RALB: variants seen among roughly 807,000 people sequenced by gnomAD.
RALB encodes ras-related protein Ral-B.
RALB carries 16 observed loss-of-function variants against 21.3 expected under a neutral mutation model. The observed-to-expected ratio is 0.75, with a 90% confidence interval of 0.51 to 1.14. RALB has a LOEUF of 1.14. Among genes scored for constraint, RALB ranks in the 50% most tolerant of loss-of-function variants. The pLI is 0.00. For synonymous variants in RALB, 93 were observed against 96.1 expected, an observed-to-expected ratio of 0.97 and a Z score of 0.19; for missense variants, 161 against 256.2, an observed-to-expected ratio of 0.63 and a Z score of 2.54.
intron 1 of RALB, among the ~76,000 whole-genome samples, chr2:120,267,396 A>C (rs1320712484): frequency 2.6e-5 from 2 of 76,344 alleles, no homozygotes; most frequent in African/African-American, 6.3e-5. Flanking sequence ...TTTTATAGAC[A>C]TGGAAAGTTG....
Position 120,258,471 on chromosome 2 carries a change from A to G in RALB, c.-48+5491A>G, listed in dbSNP as rs573035876. On this transcript the variant is annotated intron_variant, in intron 1 of 4. Coordinates refer to ENST00000272519, the MANE Select transcript of RALB (RefSeq NM_002881.3). ...CACAGGGCTGGAAGAAGGCAAGGAA[A>G]AGGCCACGGAGGCCACGGCCAGTGG... Among the ~76,000 whole-genome samples the G allele has an allele frequency of 6.2e-4, 95 of 152,320 alleles. No individual in the cohort carries two copies. The South Asian group carries it at 0.019, about 31-fold the overall frequency.
intron 1 of RALB, among the ~76,000 whole-genome samples, chr2:120,268,934 AC>A (rs1558950458): frequency 1.3e-5 from 1 of 76,496 alleles, no homozygotes; most frequent in Admixed American, 1.1e-4. Flanking sequence ...ATATAAACAA[AC>A]AATTTTTTTA....
In RALB at chr2:120,285,937, G is replaced by T; in HGVS notation, c.178G>T (p.Glu60Ter). 1 of 1,614,036 alleles carries T rather than the reference G, an allele frequency of 6.2e-7. No individual in the cohort carries two copies. The highest frequency in any genetic ancestry group is 1.7e-5 in the Admixed American group (1 of 60,002). ...TAGAAAGAAAGTGGTTCTTGATGGG[G>T]AAGAAGTTCAGATAGATATTCTGGA... ...SYRKKVVLDGEEVQIDILDTA... is the reference protein window; with the variant it reads ...SYRKKVVLDG Residue 60 changes from glutamate to a stop codon, truncating the protein, a stop_gained, in exon 3 of 5, where the codon GAA becomes TAA. Transcript: ENST00000272519. LOFTEE classifies it high-confidence loss of function.
chr2:120,280,960 G>T, intron 2 of RALB: 1 of 398,868 alleles, frequency 2.5e-6, no homozygotes, highest in Non-Finnish European at 4.8e-6. Flanking sequence ...TGGATTTTGT[G>T]ATGTCAGTGC....
At chr2:120,274,797 A>AT (rs1321797548) in intron 1 of RALB, among the ~76,000 whole-genome samples, 15 of 152,040 alleles carry the variant, frequency 9.9e-5, no homozygotes, top group African/African-American at 2.7e-4. Context: ...CAATGATGTC[A>AT]TTTTTTTCAC....
chr2:120,289,808 A>G, intron 4 of RALB, 51 bp downstream of exon 4: 1 of 1,509,236 alleles, frequency 6.6e-7, no homozygotes. Flanking sequence ...GAAACAGCAG[A>G]ATGGAGGCAT....
At chr2:120,275,465 A>C (rs1019956372) in intron 1 of RALB, among the ~76,000 whole-genome samples, 1 of 152,180 alleles carries the variant, frequency 6.6e-6, no homozygotes, top group African/African-American at 2.4e-5. Flanking sequence ...ATCACCTGGG[A>C]ATCTTTTAGA....
chr2:120,263,471 A>G (rs1028950863), intron 1 of RALB, among the ~76,000 whole-genome samples: 1 of 152,252 alleles, frequency 6.6e-6, no homozygotes, highest in Non-Finnish European at 1.5e-5. Flanking sequence ...AATGATATTT[A>G]AAAAGCAGCT....
At position 120,278,653 on chromosome 2, in the gene RALB, A is replaced by G. The variant is rs1216716747; in HGVS notation, c.-12A>G. 1 of 1,589,332 alleles carries G rather than the reference A, an allele frequency of 6.3e-7. No homozygotes were observed. The stretch of plus-strand genomic sequence containing the variant: ...GGTCATCTGTGTGTCACAGCCTCAG[A>G]AGACCAGCGAGATGGCTGCCAACAA... On this transcript the variant is annotated 5_prime_UTR_variant, in exon 2 of 5. Transcript: ENST00000272519.
At chr2:120,244,894 G>A (rs1688946604) in intron 1 of RALB, among the ~76,000 whole-genome samples, 1 of 152,216 alleles carries the variant, frequency 6.6e-6, no homozygotes, top group Non-Finnish European at 1.5e-5. Flanking sequence ...GCTTCAGGCT[G>A]TGATACAGTG....
chr2:120,277,399 G>T (rs1689830335), intron 1 of RALB, among the ~76,000 whole-genome samples: 1 of 151,836 alleles, frequency 6.6e-6, no homozygotes, highest in East Asian at 1.9e-4. Flanking sequence ...ATGTGTGAGA[G>T]CATGTGAACA....
At chr2:120,266,563 T>C (rs1689506684) in intron 1 of RALB, among the ~76,000 whole-genome samples, 1 of 151,980 alleles carries the variant, frequency 6.6e-6, no homozygotes, top group Admixed American at 6.6e-5. Context: ...TTTTTTAAAT[T>C]AGGTGGGCGT....
upstream of RALB, among the ~76,000 whole-genome samples, chr2:120,248,715 C>T (rs1018900084): frequency 4.6e-5 from 7 of 152,282 alleles, no homozygotes; most frequent in Non-Finnish European, 7.4e-5. Context: ...TGCAGTGGCA[C>T]GATCTCAGCT....
At chr2:120,254,553 G>A (rs938548479) in intron 1 of RALB, among the ~76,000 whole-genome samples, 8 of 152,186 alleles carry the variant, frequency 5.3e-5, no homozygotes, top group Non-Finnish European at 1.2e-4. Flanking sequence ...AGGATTTAGA[G>A]TCTTCCACGG....
intron 1 of RALB, among the ~76,000 whole-genome samples, chr2:120,270,699 T>C (rs1478244634): frequency 6.6e-6 from 1 of 152,230 alleles, no homozygotes; most frequent in Admixed American, 6.5e-5. Context: ...GACTCAGGTG[T>C]GCCCTCCACC....
intron 3 of RALB, among the ~76,000 whole-genome samples, chr2:120,289,377 G>T (rs180926861): frequency 6.6e-6 from 1 of 152,058 alleles, no homozygotes; most frequent in Admixed American, 6.5e-5. Context: ...ATTCTGATGT[G>T]GGCAAACTGA....
chr2:120,240,142 G>A (rs1010163849), intron 1 of RALB: 13 of 1,289,538 alleles, frequency 1.0e-5, no homozygotes, highest in Admixed American at 4.6e-5. Context: ...GCCCGCCCTC[G>A]GTGTGGATTG....
intron 2 of RALB, among the ~76,000 whole-genome samples, chr2:120,279,002 T>G (rs979774819): frequency 6.6e-6 from 1 of 152,212 alleles, no homozygotes; most frequent in Non-Finnish European, 1.5e-5. Flanking sequence ...GAGAGATCTC[T>G]GCTTGCATCG....
chr2:120,248,675 C>A (rs1160590837), upstream of RALB, among the ~76,000 whole-genome samples: 1 of 152,184 alleles, frequency 6.6e-6, no homozygotes, highest in Non-Finnish European at 1.5e-5. Context: ...TTTTTTCTGA[C>A]AGCTTCTTGC....
Sources: gnomAD v4.1 joint callset for allele counts (sites outside exome capture counted in the v4.1 genomes callset) on GRCh38, gnomAD v4.1.1 for gene constraint, MANE v1.5 for transcripts, NCBI Gene and HGNC (gene_info 2026-07-23, HGNC 2026-07-21) for gene names.